DST: variants seen among roughly 807,000 people sequenced by gnomAD.
DST encodes bullous pemphigoid antigen.
In DST, 253 loss-of-function variants were observed where a neutral mutation model predicts 875.2. The ratio of observed to expected loss-of-function variants is 0.29; its 90% CI spans 0.26 to 0.32. DST has a LOEUF of 0.32. DST is among the 10% of genes least tolerant of loss of function. The pLI, the probability that DST is intolerant of heterozygous loss-of-function variation, is 1.00. For synonymous variants in DST, 3,124 were observed against 3,197.1 expected, an observed-to-expected ratio of 0.98 and a Z score of 0.77; for missense variants, 8,287 against 9,111.6, an observed-to-expected ratio of 0.91 and a Z score of 3.68.
intron 4 of DST, among the ~76,000 whole-genome samples, chr6:56,774,123 A>AAAAAAAAAG: frequency 6.6e-6 from 1 of 151,852 alleles, no homozygotes; most frequent in African/African-American, 2.4e-5. Flanking sequence ...CAAAAAAAAA[A>AAAAAAAAAG]AAAAAAAAAG....
At chr6:56,696,457 C>T (rs951933987) in intron 9 of DST, among the ~76,000 whole-genome samples, 5 of 152,084 alleles carry the variant, frequency 3.3e-5, no homozygotes, top group Admixed American at 2.0e-4. Context: ...CCACCGTGCA[C>T]GGCCCGCAAA....
chr6:56,744,642 A>G (rs1279949690), intron 4 of DST, among the ~76,000 whole-genome samples: 3 of 152,296 alleles, frequency 2.0e-5, no homozygotes, highest in African/African-American at 7.2e-5. Flanking sequence ...GTGAAAACAA[A>G]TCAAAGAGGC....
In DST at chr6:56,485,475, G is replaced by C. The variant is rs1306860934; in HGVS notation, c.21048-4C>G. The C allele has an allele frequency of 6.2e-7, 1 of 1,611,906 alleles. No individual in the cohort carries two copies. The highest frequency in any genetic ancestry group is 1.1e-5 in the South Asian group (1 of 90,706). On this transcript the variant is annotated splice_region_variant and splice_polypyrimidine_tract_variant and intron_variant, in intron 87 of 103. Transcript: ENST00000680361. ...GGCTTCCTCCAATTTGTTTTGTCTA[G>C]GGAAAAAGGTAGAAAAATTGATCCT...
rs1314877103 is a variant in DST, at chr6:56,478,336, A to T, written c.21532-848T>A. On this transcript the variant is annotated intron_variant, in intron 90 of 103. Coordinates refer to ENST00000680361, the MANE Select transcript of DST (RefSeq NM_001374736.1). The stretch of plus-strand genomic sequence containing the variant: ...CAAAGTGTCTATGCAGTAAAAAGTG[A>T]AGGGGAGGTTGGAAGAGTGAGCCTG... Among the ~76,000 whole-genome samples the T allele has an allele frequency of 4.6e-5, 7 of 152,182 alleles. No individual in the cohort carries two copies. The East Asian group carries it at 1.4e-3, about 29-fold the overall frequency.
At chr6:56,660,549 T>C (rs1021211601) in intron 10 of DST, among the ~76,000 whole-genome samples, 2 of 150,780 alleles carry the variant, frequency 1.3e-5, no homozygotes, top group East Asian at 1.9e-4. Context: ...GATTAAATCA[T>C]GCTCAGACTT....
rs2099661452 is a variant in DST at position 56,771,281 on chromosome 6, A to G, written c.626-35992T>C. On this transcript the variant is annotated intron_variant, in intron 4 of 103. Coordinates refer to ENST00000680361, the MANE Select transcript of DST (RefSeq NM_001374736.1). ...TTAGAAATCTGAGTATTACTTTAGA[A>G]GTTCATAAATTCTTTAACACAGGGC... 2.0e-5 allele frequency among the ~76,000 whole-genome samples: 3 copies of G among 152,184 alleles called. No individual in the cohort carries two copies. In the South Asian group the frequency reaches 6.2e-4, roughly 31 times the overall value.
In DST at chr6:56,485,365, G is replaced by T. The variant is rs1482373028; in HGVS notation, c.21154C>A (p.Gln7052Lys). The T allele has an allele frequency of 1.2e-6, 2 of 1,613,876 alleles. No individual in the cohort carries two copies. The highest frequency in any genetic ancestry group is 8.5e-7 in the Non-Finnish European group (1 of 1,179,830). Residue 7052 changes from glutamine to lysine, a missense_variant, in exon 88 of 104, where the codon CAG (glutamine) becomes AAG (lysine). Transcript: ENST00000680361. The stretch of plus-strand genomic sequence containing the variant: ...AAATCAATGTCTCCATGAACAGGCT[G>T]GTCTTCTGCCAGCTGGGGTTCAACT... ...YRVEPQLAED[Q>K]PVHGDIDLVM...
At chr6:56,753,127 G>A (rs2099592740) in intron 4 of DST, among the ~76,000 whole-genome samples, 1 of 152,122 alleles carries the variant, frequency 6.6e-6, no homozygotes, top group East Asian at 1.9e-4. Context: ...ATTTGTATTT[G>A]TGTGGTTTTA....
intron 55 of DST, among the ~76,000 whole-genome samples, chr6:56,567,939 C>T (rs1038860052): frequency 2.0e-4 from 31 of 152,146 alleles, no homozygotes; most frequent in African/African-American, 6.8e-4. Context: ...TCAACCATGA[C>T]TTAGATTGCG....
chr6:56,652,458 A>G (rs944164908), intron 10 of DST, among the ~76,000 whole-genome samples: 1 of 152,360 alleles, frequency 6.6e-6, no homozygotes, highest in Admixed American at 6.5e-5. Context: ...AAGCTCCACA[A>G]GCATTCCTGT....
In DST at chr6:56,497,399, C is replaced by T. The variant is rs2152452366; in HGVS notation, c.20203G>A (p.Glu6735Lys). ...CTTACCATATGGACATTAAGCTGCT[C>T]CTTGGCTGTTTCCGGTAAACCTCCC... ...PLGGLPETAKEQLNVHMEVCA... is the reference protein window; with the variant it reads ...PLGGLPETAKKQLNVHMEVCA... The change falls in exon 82 of 104, where the codon GAG becomes AAG. Residue 6735 changes from glutamate to lysine, a missense_variant. Coordinates refer to ENST00000680361, the MANE Select transcript of DST (RefSeq NM_001374736.1). 1 of 1,613,068 alleles carries T rather than the reference C, an allele frequency of 6.2e-7. No homozygotes were observed. The highest frequency in any genetic ancestry group is 1.1e-5 in the South Asian group (1 of 91,058).
At position 56,594,480 on chromosome 6, in the gene DST, T is replaced by C. The variant is rs536376271; in HGVS notation, c.12196-287A>G. Among the ~76,000 whole-genome samples the C allele has an allele frequency of 2.6e-5, 4 of 152,340 alleles. No individual in the cohort carries two copies. In the South Asian group the frequency reaches 8.3e-4, roughly 32 times the overall value. ...TCAGAAGTTTAGAAAAACCAATTTCTATTCCAATTTTAAAATAAGTGTCTA... is the reference window on the plus strand; with the variant it reads ...TCAGAAGTTTAGAAAAACCAATTTCCATTCCAATTTTAAAATAAGTGTCTA... On this transcript the variant is annotated intron_variant, in intron 47 of 103. Coordinates refer to ENST00000680361, the MANE Select transcript of DST (RefSeq NM_001374736.1).
chr6:56,582,973 A>G (rs2098052869), intron 49 of DST, among the ~76,000 whole-genome samples: 1 of 151,874 alleles, frequency 6.6e-6, no homozygotes, highest in African/African-American at 2.4e-5. Flanking sequence ...TATGTGCCAC[A>G]TTTTCTTAAT....
rs1285391627 is a variant in DST at position 56,640,151 on chromosome 6, C to A, written c.2482G>T (p.Glu828Ter). ...AGTAAACATTTTTTTACCTGCATCT[C>A]ATCAACCCAATTCAAAAGATCCTGA... ...FVQDLLNWVD[E>*]MQVQLDRTEW... The change falls in exon 18 of 104, where the codon GAG (glutamate) becomes TAG (stop). Residue 828 changes from glutamate to a stop codon, truncating the protein, a stop_gained. Coordinates refer to ENST00000680361, the MANE Select transcript of DST (RefSeq NM_001374736.1). LOFTEE classifies it high-confidence loss of function. 1 of 1,613,966 alleles carries A rather than the reference C, an allele frequency of 6.2e-7. No individual in the cohort carries two copies. The highest frequency in any genetic ancestry group is 8.5e-7 in the Non-Finnish European group (1 of 1,179,906).
In DST at chr6:56,548,074, A is replaced by G. The variant is rs540945381; in HGVS notation, c.16608+4110T>C. 3.3e-5 allele frequency among the ~76,000 whole-genome samples: 5 copies of G among 152,346 alleles called. No individual in the cohort carries two copies. The South Asian group carries it at 8.3e-4, about 25-fold the overall frequency. On this transcript the variant is annotated intron_variant, in intron 61 of 103. Coordinates refer to ENST00000680361, the MANE Select transcript of DST (RefSeq NM_001374736.1). ...TTCTGAGGTAAGGCATTTTTTCACAATGGTCTAGATCAGGGGTGTCCAATC... is the reference window on the plus strand; with the variant it reads ...TTCTGAGGTAAGGCATTTTTTCACAGTGGTCTAGATCAGGGGTGTCCAATC...
chr6:56,646,871 T>C (rs1423711140), intron 13 of DST, among the ~76,000 whole-genome samples: 2 of 152,254 alleles, frequency 1.3e-5, no homozygotes, highest in Admixed American at 1.3e-4. Flanking sequence ...CCATATTTAA[T>C]AGGTATGTAC....
In DST at chr6:56,536,906, C is replaced by G; in HGVS notation, c.16643G>C (p.Gly5548Ala). Residue 5548 changes from glycine to alanine, a missense_variant, in exon 62 of 104, where the codon GGT becomes GCT. Coordinates refer to ENST00000680361, the MANE Select transcript of DST (RefSeq NM_001374736.1). Reference sequence around the variant, plus strand: ...TAACCAGTTTACATCTTGCTGTTTACCTTGCAAGGGTTCAATCTCTTCTTT... The same window carrying G: ...TAACCAGTTTACATCTTGCTGTTTAGCTTGCAAGGGTTCAATCTCTTCTTT... Reference protein sequence around the residue: ...FQKEEIEPLQGKQQDVNWLGQ... With the variant: ...FQKEEIEPLQAKQQDVNWLGQ... 1 of 1,613,866 alleles carries G rather than the reference C, an allele frequency of 6.2e-7. No individual in the cohort carries two copies. Among genetic ancestry groups the G allele is most frequent in the Non-Finnish European group, 8.5e-7 (1 of 1,179,814 alleles).
chr6:56,950,508 T>C (rs919021680), intron 2 of DST, among the ~76,000 whole-genome samples: 1 of 152,208 alleles, frequency 6.6e-6, no homozygotes, highest in Non-Finnish European at 1.5e-5. Flanking sequence ...AGTTTACCAT[T>C]ATTTAAAGTC....
At chr6:56,460,067 G>T in intron 103 of DST, 64 bp downstream of exon 103, 1 of 1,523,928 alleles carries the variant, frequency 6.6e-7, no homozygotes, top group Non-Finnish European at 8.9e-7. Context: ...GGAGGAAAAG[G>T]GACTTTAATC....
Sources: gnomAD v4.1 joint callset for allele counts (sites outside exome capture counted in the v4.1 genomes callset) on GRCh38, gnomAD v4.1.1 for gene constraint, MANE v1.5 for transcripts, NCBI Gene and HGNC (gene_info 2026-07-23, HGNC 2026-07-21) for gene names.